Variants in YJU2 observed in about 807,000 individuals in gnomAD.
YJU2 encodes the protein splicing factor YJU2.
Under a neutral mutation model 39.6 loss-of-function variants are expected in YJU2, and 28 were observed. The observed-to-expected ratio is 0.71, with a 90% CI of 0.52 to 0.97. The LOEUF is 0.97. Among genes scored for constraint, YJU2 ranks in the 50% least tolerant of loss-of-function variants. The pLI is 0.00. For synonymous variants in YJU2, 184 were observed against 182.4 expected, an observed-to-expected ratio of 1.01 and a Z score of -0.07; for missense variants, 328 against 430.4, an observed-to-expected ratio of 0.76 and a Z score of 2.11.
At chr19:4,251,201 C>A in intron 3 of YJU2, 30 bp downstream of exon 3, 1 of 1,608,778 alleles carries the variant, frequency 6.2e-7, no homozygotes, top group Non-Finnish European at 8.5e-7. Context: ...AGGCCGGTCC[C>A]TCTCCCCCAG....
At position 4,268,731 on chromosome 19, in the gene YJU2, C is replaced by A; in HGVS notation, c.*35C>A. 6.8e-7 allele frequency: 1 copy of A among 1,463,572 alleles called. No homozygotes were observed. The highest frequency in any genetic ancestry group is 9.5e-7 in the Non-Finnish European group (1 of 1,052,810). 90.7% of individuals were successfully genotyped at this position (1,463,572 alleles called of 1,614,324 possible). The stretch of plus-strand genomic sequence containing the variant: ...GGACCCCCTCACGGGGTCAAAGTCA[C>A]ACGTCCAGCTTCAGCCACATTGAGG... On this transcript the variant is annotated 3_prime_UTR_variant, in exon 8 of 8. Coordinates refer to ENST00000262962, the MANE Select transcript of YJU2 (RefSeq NM_018074.6).
chr19:4,248,578 G>T (rs1704285919), intron 1 of YJU2, among the ~76,000 whole-genome samples: 1 of 152,078 alleles, frequency 6.6e-6, no homozygotes, highest in African/African-American at 2.4e-5. Context: ...GACTCCTCGG[G>T]GAACTCGGTC....
At chr19:4,266,761 C>T (rs146055555) in intron 6 of YJU2, among the ~76,000 whole-genome samples, 6 of 152,260 alleles carry the variant, frequency 3.9e-5, no homozygotes, top group South Asian at 4.1e-4. Context: ...ACGGGAGGAT[C>T]GCTTGAGCCA....
intron 5 of YJU2, among the ~76,000 whole-genome samples, chr19:4,261,128 A>T (rs1488359106): frequency 6.6e-6 from 1 of 152,082 alleles, no homozygotes; most frequent in Non-Finnish European, 1.5e-5. Flanking sequence ...TCCTGGCCTT[A>T]AGCATTTCTC....
chr19:4,261,924 C>A, intron 5 of YJU2, 70 bp from the exon 6 acceptor site: 1 of 1,555,634 alleles, frequency 6.4e-7, no homozygotes. Context: ...CCCTCGCCAC[C>A]CCAGCAGGTA....
rs1568359507 is a variant in YJU2 at position 4,247,586 on chromosome 19, T to TGGCGTGGC, written c.24+417_24+418insGCGTGGCG. ...GTGGGGTGGGGTGGGGTGGCGCGTG[T>TGGCGTGGC]GTGTGTGTGTGTGTGTGTGTGTGTG... On this transcript the variant is annotated intron_variant, in intron 1 of 7. Coordinates refer to ENST00000262962, the MANE Select transcript of YJU2 (RefSeq NM_018074.6). Among the ~76,000 whole-genome samples, 28 of 5,798 alleles carry TGGCGTGGC rather than the reference T, an allele frequency of 4.8e-3. 4 individuals carry two copies. The highest frequency in any genetic ancestry group is 7.4e-3 in the African/African-American group (8 of 1,078). 3.8% of individuals were successfully genotyped at this position (5,798 alleles called of 152,430 possible). A position where few individuals can be genotyped will look rare whatever the true frequency, so the allele number is the denominator to read the frequency against.
chr19:4,250,937 A>C, intron 2 of YJU2, 90 bp from the exon 3 acceptor site: 1 of 1,452,514 alleles, frequency 6.9e-7, no homozygotes, highest in Non-Finnish European at 9.5e-7. Flanking sequence ...GAGGCAAGCA[A>C]GCAGTGATCT....
chr19:4,251,894 G>A (rs1203595136), intron 3 of YJU2, among the ~76,000 whole-genome samples: 1 of 152,030 alleles, frequency 6.6e-6, no homozygotes, highest in African/African-American at 2.4e-5. Flanking sequence ...GACCAAAGCA[G>A]GAGAATCGCT....
intron 3 of YJU2, 119 bp from the exon 4 acceptor site, chr19:4,254,236 A>T: frequency 2.6e-6 from 2 of 782,848 alleles, no homozygotes; most frequent in Non-Finnish European, 4.4e-6. Context: ...GACAAGAAAA[A>T]GAGAAGGTAG....
Position 4,268,583 on chromosome 19 carries a change from G to A in YJU2, c.860-1G>A, listed in dbSNP as rs1399588386. On this transcript the variant is annotated splice_acceptor_variant, in intron 7 of 7. Transcript: ENST00000262962. LOFTEE classifies it high-confidence loss of function. ...TGAGCTAACTCTCGCTCTCCCACCAGGAGCCCCGCAGAACAGGAAGGAGGC... is the reference window on the plus strand; with the variant it reads ...TGAGCTAACTCTCGCTCTCCCACCAAGAGCCCCGCAGAACAGGAAGGAGGC... The A allele has an allele frequency of 6.2e-6, 10 of 1,608,770 alleles. No individual in the cohort carries two copies. The highest frequency in any genetic ancestry group is 8.5e-6 in the Non-Finnish European group (10 of 1,176,942).
At chr19:4,258,516 G>A in intron 5 of YJU2, 93 bp downstream of exon 5, 1 of 1,470,950 alleles carries the variant, frequency 6.8e-7, no homozygotes, top group Non-Finnish European at 9.0e-7. Flanking sequence ...GCTCTCTGGA[G>A]TGTCGCCTTT....
chr19:4,252,896 A>C (rs1970988635), intron 3 of YJU2, among the ~76,000 whole-genome samples: 1 of 152,190 alleles, frequency 6.6e-6, no homozygotes, highest in Admixed American at 6.6e-5. Flanking sequence ...GCTATACTCC[A>C]GCCTGAGTGA....
At chr19:4,265,613 C>T (rs536989573) in intron 6 of YJU2, among the ~76,000 whole-genome samples, 3 of 145,484 alleles carry the variant, frequency 2.1e-5, no homozygotes, top group African/African-American at 5.1e-5. Flanking sequence ...TTTTTTGAGA[C>T]GGTCTTGTTC....
chr19:4,261,001 C>G (rs897077941), intron 5 of YJU2, among the ~76,000 whole-genome samples: 2 of 150,756 alleles, frequency 1.3e-5, no homozygotes, highest in African/African-American at 4.9e-5. Flanking sequence ...AGTAGGAGTT[C>G]ACCAAGCGAG....
chr19:4,268,438 C>T (rs996753072), intron 7 of YJU2, 146 bp from the exon 8 acceptor site: 2 of 601,580 alleles, frequency 3.3e-6, no homozygotes, highest in Non-Finnish European at 3.0e-6. Context: ...GCAATGGGTC[C>T]CATCAGGTGC....
intron 6 of YJU2, among the ~76,000 whole-genome samples, chr19:4,265,955 T>A (rs1409872591): frequency 1.0e-5 from 1 of 97,052 alleles, no homozygotes; most frequent in Non-Finnish European, 2.2e-5. Context: ...GCTACGACAT[T>A]TTTTTTTTTT....
chr19:4,268,409 G>A (rs1301570393), intron 7 of YJU2, among the ~76,000 whole-genome samples, 175 bp from the exon 8 acceptor site: 1 of 152,184 alleles, frequency 6.6e-6, no homozygotes, highest in Admixed American at 6.6e-5. Flanking sequence ...TTGAGTCCCG[G>A]GTGTGCAGAT....
intron 4 of YJU2, among the ~76,000 whole-genome samples, chr19:4,256,177 AAAAAATAT>A (rs905242003): frequency 1.4e-4 from 13 of 95,802 alleles, no homozygotes; most frequent in African/African-American, 6.1e-4. Context: ...CGCAAAAAAA[AAAAAATAT>A]ATATATATAT....
rs1270767708 is a variant in YJU2 at position 4,254,388 on chromosome 19, C to A, written c.304C>A (p.His102Asn). Residue 102 changes from histidine to asparagine, a missense_variant, in exon 4 of 8, where the codon CAT becomes AAT. By Grantham distance (68) the His-to-Asn change is moderately conservative. Around this residue, in one of 2 missense-constraint regions of YJU2, gnomAD observed 84 missense variants for 165.8 expected, o/e 0.51. Coordinates refer to ENST00000262962, the MANE Select transcript of YJU2 (RefSeq NM_018074.6). Reference protein sequence around the residue: ...DPENTDYTMEHGATRNFQAEK... With the variant: ...DPENTDYTMENGATRNFQAEK... ...TGAAAACACAGACTACACCATGGAG[C>A]ATGGAGCCACGCGGAATTTCCAGGC... The A allele has an allele frequency of 1.2e-6, 2 of 1,613,676 alleles. No homozygotes were observed. The highest frequency in any genetic ancestry group is 8.5e-7 in the Non-Finnish European group (1 of 1,179,930).
Sources: allele counts gnomAD v4.1 joint callset (sites outside exome capture counted in the v4.1 genomes callset), GRCh38; gene constraint gnomAD v4.1.1; regional missense constraint gnomAD v4.1.1; transcripts MANE v1.5; gene names NCBI Gene and HGNC (gene_info 2026-07-23, HGNC 2026-07-21).